The following COL4A1 variants were observed in gnomAD, a reference collection of about 807,000 sequenced individuals.
COL4A1 encodes collagen alpha-1(IV) chain.
A neutral mutation model predicts 216.6 loss-of-function variants in COL4A1; 40 were observed. The ratio of observed to expected loss-of-function variants is 0.18; its 90% CI spans 0.14 to 0.24. The LOEUF is 0.24. Among genes scored for constraint, COL4A1 ranks in the 10% least tolerant of loss-of-function variants. The pLI, the probability that COL4A1 is intolerant of heterozygous loss-of-function variation, is 1.00. For synonymous variants in COL4A1, 839 were observed against 810.7 expected (o/e 1.03, Z -0.59); for missense variants, 1,628 against 2,196.8 (o/e 0.74, Z 5.18).
intron 6 of COL4A1, 106 bp downstream of exon 6, chr13:110,212,311 A>G (rs1879842989): frequency 1.5e-6 from 2 of 1,377,808 alleles, no homozygotes; most frequent in Non-Finnish European, 2.1e-6. Context: ...CAACTTTCCA[A>G]TTGTGGCAAA....
intron 1 of COL4A1, among the ~76,000 whole-genome samples, chr13:110,256,608 A>G (rs374252156): frequency 3.1e-4 from 47 of 152,334 alleles, no homozygotes; most frequent in Middle Eastern, 6.8e-3. Context: ...AGTTTGAAGA[A>G]CATTGGGAAG....
At chr13:110,183,700 G>A (rs553286456) in intron 26 of COL4A1, among the ~76,000 whole-genome samples, 26 of 152,288 alleles carry the variant, frequency 1.7e-4, no homozygotes, top group East Asian at 3.9e-4. Flanking sequence ...AATTACGGTC[G>A]TTTGGTGGGA....
intron 2 of COL4A1, among the ~76,000 whole-genome samples, chr13:110,225,948 A>G (rs1316352205): frequency 1.3e-5 from 2 of 152,252 alleles, no homozygotes; most frequent in Non-Finnish European, 2.9e-5. Flanking sequence ...GTGCTCAAGT[A>G]TTCAGTTAAA....
rs368900861 is a variant in COL4A1 at position 110,206,700 on chromosome 13, C to T, written c.823G>A (p.Gly275Arg). 1.7e-5 allele frequency: 28 copies of T among 1,614,176 alleles called. No homozygotes were observed. Among genetic ancestry groups the T allele is most frequent in the East Asian group, 8.9e-5 (4 of 44,892 alleles). ...EPGFQGMPGV[G>R]EKGEPGKPGP... ...GGTTTTCCGGGTTCACCTTTCTCTCCGACCCCTGGCATCCCCTTAAAGGAA... is the reference window on the plus strand; with the variant it reads ...GGTTTTCCGGGTTCACCTTTCTCTCTGACCCCTGGCATCCCCTTAAAGGAA... The change falls in exon 15 of 52, where the codon GGA (glycine) becomes AGA (arginine). Residue 275 changes from glycine to arginine, a missense_variant. Gly to Arg is a moderately radical substitution (Grantham distance 125). Coordinates refer to ENST00000375820, the MANE Select transcript of COL4A1 (RefSeq NM_001845.6).
intron 31 of COL4A1, 79 bp from the exon 32 acceptor site, chr13:110,178,310 T>C (rs1346283004): frequency 1.9e-6 from 3 of 1,583,580 alleles, no homozygotes; most frequent in Non-Finnish European, 2.6e-6. Flanking sequence ...TGTTTAACTA[T>C]GACTTTCTGC....
Position 110,210,225 on chromosome 13 carries a change from G to C in COL4A1, c.469-13C>G, listed in dbSNP as rs774901853. 53 of 1,612,024 alleles carry C rather than the reference G, an allele frequency of 3.3e-5. No homozygotes were observed. The Admixed American group carries it at 8.8e-4, about 27-fold the overall frequency. On this transcript the variant is annotated splice_polypyrimidine_tract_variant and intron_variant, in intron 8 of 51. Coordinates refer to ENST00000375820, the MANE Select transcript of COL4A1 (RefSeq NM_001845.6). Reference sequence around the variant, plus strand: ...CACCTGGATCACCCTAGAGGATGAAGAAAGAAAATAGAAAGTTGCAAATAT... The same window carrying C: ...CACCTGGATCACCCTAGAGGATGAACAAAGAAAATAGAAAGTTGCAAATAT...
intron 1 of COL4A1, among the ~76,000 whole-genome samples, chr13:110,253,983 T>C (rs958074369): frequency 6.6e-6 from 1 of 151,870 alleles, no homozygotes; most frequent in African/African-American, 2.4e-5. Context: ...AACCCCAAAA[T>C]CCAAAATACA....
chr13:110,235,371 C>T (rs896132556), intron 2 of COL4A1, among the ~76,000 whole-genome samples: 1 of 152,096 alleles, frequency 6.6e-6, no homozygotes, highest in African/African-American at 2.4e-5. Context: ...AAAGAAGATG[C>T]CGGGCGCAGT....
chr13:110,165,244 C>T (rs2139149657), intron 45 of COL4A1, among the ~76,000 whole-genome samples: 1 of 152,296 alleles, frequency 6.6e-6, no homozygotes, highest in East Asian at 1.9e-4. Flanking sequence ...GCATTCTGGG[C>T]TCTGGGACCC....
chr13:110,195,635 C>T (rs948112587), intron 21 of COL4A1, among the ~76,000 whole-genome samples: 6 of 152,182 alleles, frequency 3.9e-5, no homozygotes, highest in African/African-American at 1.4e-4. Context: ...CAATTCTGAG[C>T]ATCATTTATG....
chr13:110,227,710 A>G (rs1002651667), intron 2 of COL4A1, among the ~76,000 whole-genome samples: 2 of 152,164 alleles, frequency 1.3e-5, no homozygotes, highest in African/African-American at 4.8e-5. Flanking sequence ...GGAATTCTAA[A>G]CCTACAGGTG....
At chr13:110,191,083 T>G (rs1878606570) in intron 24 of COL4A1, 1 of 152,312 alleles carries the variant, frequency 6.6e-6, no homozygotes, top group African/African-American at 2.4e-5. Flanking sequence ...ACCCAGTTAT[T>G]TGAACTTCTA....
intron 2 of COL4A1, among the ~76,000 whole-genome samples, chr13:110,235,450 A>T (rs1042449421): frequency 6.6e-6 from 1 of 152,094 alleles, no homozygotes; most frequent in African/African-American, 2.4e-5. Context: ...GGAGATCGAG[A>T]CCTTCCTGGC....
Position 110,161,020 on chromosome 13 carries a change from A to C in COL4A1, c.4640+172T>G, listed in dbSNP as rs564100732. On this transcript the variant is annotated intron_variant, in intron 49 of 51. Coordinates refer to ENST00000375820, the MANE Select transcript of COL4A1 (RefSeq NM_001845.6). The stretch of plus-strand genomic sequence containing the variant: ...CACTGTGCCCAGCCAACTGACTTTT[A>C]TGTCAAATAATTTTTATGGTAGATT... The C allele has an allele frequency of 7.6e-6, 6 of 788,864 alleles. No homozygotes were observed. The African/African-American group carries it at 1.0e-4, about 14-fold the overall frequency. The allele number at this position is 788,864 out of a possible 1,614,324, so 48.9% of individuals were successfully genotyped here.
chr13:110,238,382 CA>C (rs1322974102), intron 2 of COL4A1, among the ~76,000 whole-genome samples: 4 of 152,202 alleles, frequency 2.6e-5, no homozygotes, highest in African/African-American at 9.6e-5. Context: ...CAGCTGGTCC[CA>C]AGAGCTGTTT....
At chr13:110,264,338 G>A (rs915679902) in intron 1 of COL4A1, among the ~76,000 whole-genome samples, 1 of 152,108 alleles carries the variant, frequency 6.6e-6, no homozygotes, top group African/African-American at 2.4e-5. Flanking sequence ...TCTGTCCTCT[G>A]GAGTTAGCTG....
At chr13:110,257,042 G>C (rs1882609550) in intron 1 of COL4A1, among the ~76,000 whole-genome samples, 1 of 152,126 alleles carries the variant, frequency 6.6e-6, no homozygotes, top group South Asian at 2.1e-4. Flanking sequence ...CACTTGCAAA[G>C]CCACTTTTCA....
chr13:110,221,914 A>G (rs949546854), intron 2 of COL4A1, among the ~76,000 whole-genome samples: 2 of 152,220 alleles, frequency 1.3e-5, no homozygotes, highest in Admixed American at 1.3e-4. Context: ...GCCTGCGCTC[A>G]GGCAGCGCGT....
intron 29 of COL4A1, among the ~76,000 whole-genome samples, chr13:110,180,213 T>C (rs939699834): frequency 6.6e-5 from 10 of 152,232 alleles, no homozygotes; most frequent in Non-Finnish European, 2.9e-5. Flanking sequence ...AAATCTTTCA[T>C]TCCCATTCCA....
Sources: gnomAD v4.1 joint callset for allele counts (sites outside exome capture counted in the v4.1 genomes callset) on GRCh38, gnomAD v4.1.1 for gene constraint, MANE v1.5 for transcripts, NCBI Gene and HGNC (gene_info 2026-07-23, HGNC 2026-07-21) for gene names.